The following BAIAP2 variants were observed in gnomAD, a reference collection of about 807,000 sequenced individuals.
BAIAP2 encodes the protein BAR/IMD domain containing adaptor protein 2.
In BAIAP2, 18 loss-of-function variants were observed where a neutral mutation model predicts 63.0. The ratio of observed to expected loss-of-function variants is 0.29; its 90% CI spans 0.20 to 0.42. The LOEUF is 0.42. Among genes scored for constraint, BAIAP2 ranks in the 10% least tolerant of loss-of-function variants. BAIAP2 has a pLI of 1.00. For missense variants in BAIAP2, 610 were observed against 734.3 expected, an observed-to-expected ratio of 0.83 and a Z score of 1.96; for synonymous variants, 386 against 307.6, an observed-to-expected ratio of 1.25 and a Z score of -2.67.
intron 1 of BAIAP2, among the ~76,000 whole-genome samples, chr17:81,050,275 C>A (rs2048458141): frequency 6.6e-6 from 1 of 152,222 alleles, no homozygotes; most frequent in African/African-American, 2.4e-5. Flanking sequence ...CGGGCCAGGA[C>A]AGCAGCACTT....
intron 3 of BAIAP2, chr17:81,063,683 A>C (rs7502569): frequency 0.57 from 87,166 of 152,348 alleles, 25,069 homozygotes; most frequent in Middle Eastern, 0.62. Flanking sequence ...TCCTGAGCTG[A>C]GCCCTATTAT....
At position 81,084,775 on chromosome 17, in the gene BAIAP2, G is replaced by A. The variant is rs377134485; in HGVS notation, c.218-57G>A. On this transcript the variant is annotated intron_variant, in intron 3 of 13. Transcript: ENST00000428708. Reference sequence around the variant, plus strand: ...GGCTGTCAGCCCAGAGTGGGATGACGGTGGTGACTGCGAGCACCTGACTCC... The same window carrying A: ...GGCTGTCAGCCCAGAGTGGGATGACAGTGGTGACTGCGAGCACCTGACTCC... 350 of 1,559,522 alleles carry A rather than the reference G, an allele frequency of 2.2e-4. No homozygotes were observed. In the African/African-American group the frequency reaches 3.1e-3, roughly 14 times the overall value.
chr17:81,111,850 G>A (rs545011348), intron 13 of BAIAP2, among the ~76,000 whole-genome samples: 149 of 152,340 alleles, frequency 9.8e-4, no homozygotes, highest in African/African-American at 3.4e-3. Flanking sequence ...CAAGTTGCTA[G>A]GAGGGCGGCT....
chr17:81,105,014 T>G, intron 10 of BAIAP2: 1 of 218,418 alleles, frequency 4.6e-6, no homozygotes, highest in Non-Finnish European at 9.2e-6. Context: ...TCTCCCCCAA[T>G]GGCAGGTATC....
intron 3 of BAIAP2, among the ~76,000 whole-genome samples, chr17:81,081,069 T>A (rs1416664629): frequency 2.6e-5 from 4 of 152,216 alleles, no homozygotes; most frequent in Admixed American, 2.6e-4. Context: ...CCAGACCTTG[T>A]GCCTGTTGTC....
Position 81,115,826 on chromosome 17 carries a change from C to G in BAIAP2, c.1592C>G (p.Pro531Arg). ...KPTVTNDRSA[P>R]LLS is the part of the protein sequence containing the mutation. ...ACAGTGACCAACGACAGGTCTGCCC[C>G]CCTCCTCAGCTGATGGCCACATCTG... Residue 531 changes from proline (P) to arginine (R), a missense_variant, in exon 14 of 14, where the codon CCC becomes CGC. Physicochemically the swap from Pro to Arg is moderately radical, Grantham distance 103 (BLOSUM62 -2). Around this residue, in one of 5 missense-constraint regions of BAIAP2, gnomAD observed 114 missense variants for 98.2 expected, o/e 1.16. Coordinates refer to ENST00000428708, the MANE Select transcript of BAIAP2 (RefSeq NM_001144888.2). The G allele has an allele frequency of 6.2e-7, 1 of 1,613,496 alleles. No homozygotes were observed. Among genetic ancestry groups the G allele is most frequent in the Non-Finnish European group, 8.5e-7 (1 of 1,180,010 alleles).
chr17:81,052,062 CAG>C (rs1192031489), intron 1 of BAIAP2, among the ~76,000 whole-genome samples: 1 of 152,220 alleles, frequency 6.6e-6, no homozygotes, highest in Non-Finnish European at 1.5e-5. Context: ...AGCCGGGCCT[CAG>C]GGGCTATCCC....
intron 6 of BAIAP2, among the ~76,000 whole-genome samples, chr17:81,093,683 G>A (rs1008556320): frequency 3.3e-5 from 5 of 152,128 alleles, no homozygotes; most frequent in African/African-American, 9.7e-5. Flanking sequence ...TCCCCCCTCC[G>A]GCTGCCCCCC....
intron 6 of BAIAP2, chr17:81,087,645 A>AT: frequency 6.6e-6 from 1 of 152,342 alleles, no homozygotes; most frequent in African/African-American, 2.4e-5. Context: ...GATGAGAAGG[A>AT]TAAGTGAGAG....
intron 6 of BAIAP2, among the ~76,000 whole-genome samples, chr17:81,090,065 C>T (rs1254578750): frequency 3.3e-5 from 5 of 152,170 alleles, no homozygotes; most frequent in Non-Finnish European, 7.4e-5. Flanking sequence ...CTTGCAGCTG[C>T]TCCTCCCCAC....
At chr17:81,099,827 A>G (rs2058249552) in intron 6 of BAIAP2, 101 bp from the exon 7 acceptor site, 4 of 1,351,656 alleles carry the variant, frequency 3.0e-6, no homozygotes, top group Admixed American at 4.4e-5. Flanking sequence ...CTCTGCATGA[A>G]TGAGACGTGT....
At chr17:81,082,085 C>T (rs1323361899) in intron 3 of BAIAP2, among the ~76,000 whole-genome samples, 1 of 152,002 alleles carries the variant, frequency 6.6e-6, no homozygotes, top group South Asian at 2.1e-4. Context: ...CCAGCGTGGT[C>T]CTGGAGACTG....
In BAIAP2 at chr17:81,099,300, C is replaced by A. The variant is rs533089371; in HGVS notation, c.490-628C>A. Among the ~76,000 whole-genome samples the A allele has an allele frequency of 4.5e-4, 69 of 152,314 alleles. 1 individual carries two copies. Among genetic ancestry groups the A allele is most frequent in the Non-Finnish European group, 1.9e-4 (13 of 68,018 alleles). ...AGCCAGGTGTCTTAGCGTCCCGCTC[C>A]CCGTCATTCAGAGCCGGAGCCGGGT... On this transcript the variant is annotated intron_variant, in intron 6 of 13. Transcript: ENST00000428708.
At chr17:81,077,758 A>T (rs2053906555) in intron 3 of BAIAP2, among the ~76,000 whole-genome samples, 1 of 146,216 alleles carries the variant, frequency 6.8e-6, no homozygotes, top group African/African-American at 2.5e-5. Flanking sequence ...GTGCGGGTGC[A>T]GGTGTGGGTA....
intron 6 of BAIAP2, among the ~76,000 whole-genome samples, chr17:81,093,005 G>GC (rs1427911023): frequency 6.6e-6 from 1 of 152,162 alleles, no homozygotes; most frequent in Non-Finnish European, 1.5e-5. Context: ...AGGGAGCAGG[G>GC]CCCGGGGGAC....
intron 1 of BAIAP2, among the ~76,000 whole-genome samples, chr17:81,042,164 CAG>C (rs2047175127): frequency 8.4e-6 from 1 of 119,042 alleles, no homozygotes; most frequent in Non-Finnish European, 1.7e-5. Context: ...TTTTTGGAGA[CAG>C]AGTCTTGCTT....
intron 13 of BAIAP2, chr17:81,109,190 C>G (rs1195620243): frequency 2.8e-5 from 40 of 1,407,564 alleles, no homozygotes; most frequent in Non-Finnish European, 3.5e-5. Flanking sequence ...CATCCGCCCC[C>G]CCTCCCCTGT....
At position 81,106,138 on chromosome 17, in the gene BAIAP2, G is replaced by A; in HGVS notation, c.1329G>A (p.Leu443=). Residue 443 remains leucine (L), a synonymous_variant, in exon 11 of 14, where the codon CTG becomes CTA. Coordinates refer to ENST00000428708, the MANE Select transcript of BAIAP2 (RefSeq NM_001144888.2). ...RVLDSDGSDR[L]HMSLQQGKSS... Reference sequence around the variant, plus strand: ...TGGACAGCGATGGCAGTGACAGGCTGCACATGAGGTGAGCTCTGGGCCCAA... The same window carrying A: ...TGGACAGCGATGGCAGTGACAGGCTACACATGAGGTGAGCTCTGGGCCCAA... The A allele has an allele frequency of 6.3e-7, 1 of 1,581,510 alleles. No individual in the cohort carries two copies. The highest frequency in any genetic ancestry group is 8.6e-7 in the Non-Finnish European group (1 of 1,163,654).
At chr17:81,091,166 ACCCCACCCCCATTTATGTGG>A (rs1426696939) in intron 6 of BAIAP2, among the ~76,000 whole-genome samples, 8 of 95,016 alleles carry the variant, frequency 8.4e-5, no homozygotes, top group Admixed American at 2.5e-4. Flanking sequence ...CCTCCAGTGC[ACCCCACCCCCATTTATGTGG>A]CCCCACCCCA....
Sources: allele counts gnomAD v4.1 joint callset (sites outside exome capture counted in the v4.1 genomes callset), GRCh38; gene constraint gnomAD v4.1.1; regional missense constraint gnomAD v4.1.1; transcripts MANE v1.5; gene names NCBI Gene and HGNC (gene_info 2026-07-23, HGNC 2026-07-21).